Variants in PRKG1 observed in about 807,000 individuals in gnomAD.
PRKG1 encodes protein kinase cGMP-dependent 1, also known as cGMP-dependent protein kinase 1.
In PRKG1, 35 loss-of-function variants were observed where a neutral mutation model predicts 88.1. The ratio of observed to expected loss-of-function variants is 0.40; its 90% CI spans 0.30 to 0.53. PRKG1 has a LOEUF of 0.53. Among genes scored for constraint, PRKG1 ranks in the 20% least tolerant of loss-of-function variants. PRKG1 has a pLI of 0.59. For missense variants in PRKG1, 540 were observed against 839.8 expected, an observed-to-expected ratio of 0.64 and a Z score of 4.41; for synonymous variants, 303 against 292.5, an observed-to-expected ratio of 1.04 and a Z score of -0.37.
intron 1 of PRKG1, among the ~76,000 whole-genome samples, chr10:51,085,171 C>T (rs1844216928): frequency 6.6e-6 from 1 of 152,208 alleles, no homozygotes; most frequent in Admixed American, 6.5e-5. Flanking sequence ...CTACAGGTGG[C>T]TGGCAAACAT....
intron 3 of PRKG1, among the ~76,000 whole-genome samples, chr10:51,692,132 A>T (rs748631566): frequency 6.6e-6 from 1 of 152,128 alleles, no homozygotes; most frequent in Non-Finnish European, 1.5e-5. Flanking sequence ...GTCCTGATTT[A>T]TGTCACTATA....
chr10:51,282,822 C>A (rs1242412737), intron 2 of PRKG1, among the ~76,000 whole-genome samples: 1 of 151,632 alleles, frequency 6.6e-6, no homozygotes, highest in East Asian at 1.9e-4. Context: ...GCTGATTAAA[C>A]TTTTTTGAAT....
chr10:52,218,540 T>A (rs1441652221), intron 9 of PRKG1, among the ~76,000 whole-genome samples: 2 of 152,156 alleles, frequency 1.3e-5, no homozygotes, highest in African/African-American at 4.8e-5. Flanking sequence ...GTATGAATAG[T>A]CGCAATACAA....
chr10:52,250,417 T>C (rs1219302346), intron 9 of PRKG1, among the ~76,000 whole-genome samples: 2 of 152,148 alleles, frequency 1.3e-5, no homozygotes, highest in African/African-American at 4.8e-5. Context: ...ATCCCCCAAG[T>C]GGAGAGTCTA....
At chr10:51,493,417 T>C (rs1840762208) in intron 3 of PRKG1, among the ~76,000 whole-genome samples, 1 of 152,196 alleles carries the variant, frequency 6.6e-6, no homozygotes, top group South Asian at 2.1e-4. Flanking sequence ...ATCACTATTA[T>C]CATAATAATG....
At chr10:52,012,194 C>A (rs1363081653) in intron 5 of PRKG1, among the ~76,000 whole-genome samples, 1 of 150,468 alleles carries the variant, frequency 6.6e-6, no homozygotes, top group African/African-American at 2.5e-5. Context: ...TTCACTTGGA[C>A]TATTGCACAG....
chr10:51,925,144 T>G (rs1842546021), intron 5 of PRKG1, among the ~76,000 whole-genome samples: 1 of 152,000 alleles, frequency 6.6e-6, no homozygotes, highest in Non-Finnish European at 1.5e-5. Flanking sequence ...TTTTGAAATT[T>G]GGGTATGATG....
In PRKG1 at chr10:51,814,075, A is replaced by C. The variant is rs148825972; in HGVS notation, c.698+9385A>C. On this transcript the variant is annotated intron_variant, in intron 4 of 17. Coordinates refer to ENST00000373980, the MANE Select transcript of PRKG1 (RefSeq NM_006258.4). ...GGATCAGTGTCTTCTGCAGACATTC[A>C]GACACTGCATTTCTGGTTCTTTTTT... is the stretch of plus-strand genomic sequence containing the variant. Among the ~76,000 whole-genome samples, 21 of 152,312 alleles carry C rather than the reference A, an allele frequency of 1.4e-4. No individual in the cohort carries two copies. In the East Asian group the frequency reaches 3.9e-3, roughly 28 times the overall value.
At chr10:51,369,993 A>C (rs953849248) in intron 2 of PRKG1, among the ~76,000 whole-genome samples, 1 of 152,172 alleles carries the variant, frequency 6.6e-6, no homozygotes, top group East Asian at 1.9e-4. Flanking sequence ...AAGCCAGCTC[A>C]AGCCACTCAG....
chr10:51,846,103 G>A (rs1357179481), intron 4 of PRKG1, among the ~76,000 whole-genome samples: 1 of 152,132 alleles, frequency 6.6e-6, no homozygotes. Flanking sequence ...CCAAACAGAT[G>A]TTTAGATGTT....
chr10:52,047,960 A>T (rs1845902484), intron 5 of PRKG1, among the ~76,000 whole-genome samples: 1 of 152,144 alleles, frequency 6.6e-6, no homozygotes, highest in African/African-American at 2.4e-5. Context: ...TCTGTTTCAA[A>T]CATTTATTAG....
intron 12 of PRKG1, among the ~76,000 whole-genome samples, chr10:52,278,660 G>T (rs1841929144): frequency 6.6e-6 from 1 of 152,116 alleles, no homozygotes; most frequent in South Asian, 2.1e-4. Flanking sequence ...GGGCATGGTG[G>T]CTCACGCCTG....
At chr10:51,149,583 T>A (rs1472721883) in intron 1 of PRKG1, among the ~76,000 whole-genome samples, 1 of 152,156 alleles carries the variant, frequency 6.6e-6, no homozygotes, top group Non-Finnish European at 1.5e-5. Context: ...CATTAAATTA[T>A]CTGGGGATAT....
In PRKG1 at chr10:51,039,936, G is replaced by A. The variant is rs1420210045; in HGVS notation, c.266+48292G>A. 2.6e-5 allele frequency among the ~76,000 whole-genome samples: 4 copies of A among 152,108 alleles called. No homozygotes were observed. In the South Asian group the frequency reaches 6.2e-4, roughly 24 times the overall value. On this transcript the variant is annotated intron_variant, in intron 1 of 17. Transcript: ENST00000401604. ...TTTATTCTGTTCTATTGGTCTATGT[G>A]TCTGTTTTCAGGCCAGTTATCATGC... is the stretch of plus-strand genomic sequence containing the variant.
chr10:51,046,798 TAAG>T (rs1299834325), intron 1 of PRKG1, among the ~76,000 whole-genome samples: 1 of 152,362 alleles, frequency 6.6e-6, no homozygotes, highest in Non-Finnish European at 1.5e-5. Context: ...TGCAGAATGC[TAAG>T]AAGATTTGGA....
At chr10:51,876,669 C>T (rs1656705069) in intron 4 of PRKG1, among the ~76,000 whole-genome samples, 1 of 152,172 alleles carries the variant, frequency 6.6e-6, no homozygotes, top group African/African-American at 2.4e-5. Context: ...AGACTCCCAG[C>T]TGCCAGCACC....
At chr10:52,021,158 A>G (rs1039620184) in intron 5 of PRKG1, among the ~76,000 whole-genome samples, 1 of 152,196 alleles carries the variant, frequency 6.6e-6, no homozygotes, top group Non-Finnish European at 1.5e-5. Context: ...CAAATTCTCA[A>G]CTGCCAGACT....
At chr10:52,003,712 A>G (rs1460301303) in intron 5 of PRKG1, among the ~76,000 whole-genome samples, 1 of 152,218 alleles carries the variant, frequency 6.6e-6, no homozygotes, top group African/African-American at 2.4e-5. Flanking sequence ...TAGCTGAGCA[A>G]TCCACAAGCT....
chr10:51,012,803 G>T (rs1443334969), intron 1 of PRKG1, among the ~76,000 whole-genome samples: 1 of 152,228 alleles, frequency 6.6e-6, no homozygotes, highest in Non-Finnish European at 1.5e-5. Flanking sequence ...AGGTGCAATG[G>T]CAGAAAATAA....
Sources: allele counts gnomAD v4.1 joint callset (sites outside exome capture counted in the v4.1 genomes callset), GRCh38; gene constraint gnomAD v4.1.1; transcripts MANE v1.5; gene names NCBI Gene and HGNC (gene_info 2026-07-23, HGNC 2026-07-21).